WASF3: variants seen among roughly 807,000 people sequenced by gnomAD.
WASF3 encodes WASP family member 3.
A neutral mutation model predicts 46.6 loss-of-function variants in WASF3; 11 were observed. The ratio of observed to expected loss-of-function variants is 0.24; its 90% confidence interval spans 0.15 to 0.39. The LOEUF (loss-of-function observed/expected upper bound fraction) is 0.39. Ranked by LOEUF, WASF3 falls within the 10% of genes least tolerant of loss-of-function variation. The pLI is 1.00. For synonymous variants in WASF3, 242 were observed against 259.7 expected (o/e 0.93, Z 0.65); for missense variants, 576 against 669.8 (o/e 0.86, Z 1.55).
chr13:26,614,541 A>G (rs923242822), intron 2 of WASF3, among the ~76,000 whole-genome samples: 6 of 152,212 alleles, frequency 3.9e-5, no homozygotes, highest in African/African-American at 1.4e-4. Context: ...AAATGCTTAT[A>G]TTAGAAAATA....
rs35093100 is a variant in WASF3 at position 26,636,588 on chromosome 13, G to A, written c.-10-5673G>A. On this transcript the variant is annotated intron_variant, in intron 2 of 9. Coordinates refer to ENST00000335327, the MANE Select transcript of WASF3 (RefSeq NM_006646.6). ...GAAATGCAGAAATCACCCATCTTCT[G>A]CGTCGATCATGCTGGGAGCTGCACT... is the stretch of plus-strand genomic sequence containing the variant. Among the ~76,000 whole-genome samples the A allele has an allele frequency of 6.5e-3, 986 of 152,334 alleles. 11 individuals carry two copies. Among genetic ancestry groups the A allele is most frequent in the African/African-American group, 0.023 (944 of 41,570 alleles).
intron 1 of WASF3, among the ~76,000 whole-genome samples, chr13:26,574,213 G>C (rs1324454143): frequency 1.3e-5 from 2 of 152,072 alleles, no homozygotes; most frequent in African/African-American, 2.4e-5. Flanking sequence ...GTGGAGTGCT[G>C]TCTCTCTCTC....
chr13:26,572,746 T>A (rs1190219058), intron 1 of WASF3, among the ~76,000 whole-genome samples: 6 of 152,054 alleles, frequency 3.9e-5, no homozygotes, highest in Non-Finnish European at 8.8e-5. Flanking sequence ...AGAGATGGGG[T>A]TTCACCATGT....
At chr13:26,618,337 A>G (rs1881198369) in intron 2 of WASF3, among the ~76,000 whole-genome samples, 1 of 152,226 alleles carries the variant, frequency 6.6e-6, no homozygotes, top group Non-Finnish European at 1.5e-5. Context: ...TACGTCTTTT[A>G]AAAACTTGCA....
In WASF3 at chr13:26,651,095, G is replaced by A. The variant is rs1882302027; in HGVS notation, c.133+8692G>A. On this transcript the variant is annotated intron_variant, in intron 3 of 9. Coordinates refer to ENST00000335327, the MANE Select transcript of WASF3 (RefSeq NM_006646.6). ...AAAATTGCTAAGGAGGCCAAGGCAG[G>A]TGGATTACTTGAGGCCAGGAGTTCG... Among the ~76,000 whole-genome samples the A allele has an allele frequency of 2.6e-5, 4 of 152,304 alleles. No homozygotes were observed. In the South Asian group the frequency reaches 8.3e-4, roughly 32 times the overall value.
intron 3 of WASF3, among the ~76,000 whole-genome samples, chr13:26,664,763 C>G (rs1171751079): frequency 6.6e-6 from 1 of 152,244 alleles, no homozygotes; most frequent in Non-Finnish European, 1.5e-5. Context: ...TGGGAAGCAA[C>G]TTGAGCGATA....
At chr13:26,578,815 ATTGTTC>A (rs1879879904) in intron 1 of WASF3, among the ~76,000 whole-genome samples, 1 of 151,822 alleles carries the variant, frequency 6.6e-6, no homozygotes, top group Admixed American at 6.6e-5. Context: ...CACATACTGT[ATTGTTC>A]TTGATATCAT....
intron 1 of WASF3, among the ~76,000 whole-genome samples, chr13:26,591,006 A>G (rs1216187504): frequency 6.6e-6 from 1 of 151,860 alleles, no homozygotes; most frequent in Non-Finnish European, 1.5e-5. Flanking sequence ...GATTTGAAGG[A>G]GGTGTGAGGG....
chr13:26,592,511 G>A (rs1173898611), intron 1 of WASF3, among the ~76,000 whole-genome samples: 1 of 152,160 alleles, frequency 6.6e-6, no homozygotes, highest in South Asian at 2.1e-4. Flanking sequence ...TTACCTGCGA[G>A]TTCTTTGTCC....
intron 2 of WASF3, among the ~76,000 whole-genome samples, chr13:26,635,565 C>T (rs1456675492): frequency 3.9e-5 from 6 of 152,288 alleles, no homozygotes; most frequent in Admixed American, 6.5e-5. Context: ...GAGGAGAAAA[C>T]GTGCTCTGGT....
At chr13:26,578,797 T>C (rs1879879117) in intron 1 of WASF3, among the ~76,000 whole-genome samples, 1 of 152,062 alleles carries the variant, frequency 6.6e-6, no homozygotes, top group Non-Finnish European at 1.5e-5. Context: ...TGTGTCTCCA[T>C]TGAGACACAC....
chr13:26,625,064 T>C (rs1205215643), intron 2 of WASF3, among the ~76,000 whole-genome samples: 2 of 152,074 alleles, frequency 1.3e-5, no homozygotes, highest in African/African-American at 4.8e-5. Flanking sequence ...GACCCTGAAA[T>C]GGTAAAAGAG....
chr13:26,602,676 T>C (rs1880675994), intron 1 of WASF3, among the ~76,000 whole-genome samples: 1 of 152,200 alleles, frequency 6.6e-6, no homozygotes, highest in African/African-American at 2.4e-5. Flanking sequence ...ACTGAAGTTA[T>C]TTGTTGAATT....
chr13:26,599,574 T>C (rs1427408756), intron 1 of WASF3, among the ~76,000 whole-genome samples: 6 of 152,190 alleles, frequency 3.9e-5, no homozygotes, highest in African/African-American at 1.2e-4. Flanking sequence ...TGCTGTGTTT[T>C]GGGGCTCCTG....
At chr13:26,675,838 G>A (rs147432433) in intron 6 of WASF3, among the ~76,000 whole-genome samples, 1 of 152,096 alleles carries the variant, frequency 6.6e-6, no homozygotes, top group African/African-American at 2.4e-5. Context: ...GGGAAACGTA[G>A]GAAATAAAGA....
At chr13:26,595,893 C>T (rs778685230) in intron 1 of WASF3, among the ~76,000 whole-genome samples, 1 of 152,142 alleles carries the variant, frequency 6.6e-6, no homozygotes, top group Non-Finnish European at 1.5e-5. Context: ...CAACAATCCA[C>T]GCAAACAACA....
chr13:26,582,971 C>T lies in WASF3; in HGVS notation c.-109+25152C>T, dbSNP rs193152096. Among the ~76,000 whole-genome samples the T allele has an allele frequency of 9.5e-4, 145 of 152,150 alleles. 1 individual carries two copies. Among genetic ancestry groups the T allele is most frequent in the African/African-American group, 3.4e-3 (141 of 41,520 alleles). On this transcript the variant is annotated intron_variant, in intron 1 of 9. Transcript: ENST00000335327. ...TAGATACCTTGAGAGAATAATTAGT[C>T]AATAAGAAAGATAATGACAGGCACC...
At chr13:26,592,905 A>T (rs763013118) in intron 1 of WASF3, among the ~76,000 whole-genome samples, 3 of 152,154 alleles carry the variant, frequency 2.0e-5, no homozygotes, top group Non-Finnish European at 4.4e-5. Context: ...TTCTGTAATG[A>T]TACACAACTT....
the WASF3 span, among the ~76,000 whole-genome samples, chr13:26,548,968 T>A: frequency 6.7e-6 from 1 of 148,960 alleles, no homozygotes; most frequent in Non-Finnish European, 1.5e-5. Context: ...CTACATTTTA[T>A]TTTTCTTTCT....
Sources: gnomAD v4.1 joint callset for allele counts (sites outside exome capture counted in the v4.1 genomes callset) on GRCh38, gnomAD v4.1.1 for gene constraint, MANE v1.5 for transcripts, NCBI Gene and HGNC (gene_info 2026-07-23, HGNC 2026-07-21) for gene names.